Variants in DMD observed in about 807,000 individuals in gnomAD.
DMD encodes the protein dystrophin, also known as mutant dystrophin.
DMD carries 63 observed loss-of-function variants against 330.1 expected under a neutral mutation model. The observed-to-expected ratio is 0.19, with a 90% CI of 0.16 to 0.24. DMD has a LOEUF of 0.24. Among genes scored for constraint, DMD ranks in the 10% least tolerant of loss-of-function variants. The pLI, the probability that DMD is intolerant of heterozygous loss-of-function variation, is 1.00. For synonymous variants in DMD, 1,223 were observed against 959.8 expected, an observed-to-expected ratio of 1.27 and a Z score of -5.07; for missense variants, 3,344 against 2,684.1, an observed-to-expected ratio of 1.25 and a Z score of -5.43.
At chrX:31,370,201 C>T (rs758824399) in intron 60 of DMD, among the ~76,000 whole-genome samples, 30 of 110,218 alleles carry the variant, frequency 2.7e-4, no homozygotes, top group Non-Finnish European at 4.2e-4. Context: ...AAGGAAAAAG[C>T]GATAAATTCA....
At position 32,916,964 on chromosome X, in the gene DMD, C is replaced by T. The variant is rs1256413046; in HGVS notation, c.94-67144G>A. Among the ~76,000 whole-genome samples the T allele has an allele frequency of 6.3e-5, 7 of 111,717 alleles. No homozygotes were observed. The South Asian group carries it at 1.1e-3, about 18-fold the overall frequency. On this transcript the variant is annotated intron_variant, in intron 2 of 78. Coordinates refer to ENST00000357033, the MANE Select transcript of DMD (RefSeq NM_004006.3). ...GATTTGATCATTTATACAGTATATA[C>T]ATGATTAAAATATTACATGTGATAT... is the stretch of plus-strand genomic sequence containing the variant.
chrX:32,736,359 C>G (rs759326578), intron 7 of DMD, among the ~76,000 whole-genome samples: 33 of 111,414 alleles, frequency 3.0e-4, no homozygotes, highest in African/African-American at 7.9e-4. Flanking sequence ...TCAGTGTGGC[C>G]ATTCCTCAGG....
chrX:31,689,425 C>A (rs2082948517), intron 52 of DMD, among the ~76,000 whole-genome samples: 1 of 111,429 alleles, frequency 9.0e-6, no homozygotes, highest in South Asian at 3.8e-4. Context: ...ATGTGAAGGA[C>A]CTCTTCAAGG....
intron 63 of DMD, among the ~76,000 whole-genome samples, chrX:31,233,718 T>C (rs2147211950): frequency 8.9e-6 from 1 of 112,114 alleles, no homozygotes; most frequent in Non-Finnish European, 1.9e-5. Flanking sequence ...TCCTAAAGGC[T>C]ACCTTTTCTA....
chrX:32,533,844 G>C (rs2047700936), intron 17 of DMD, among the ~76,000 whole-genome samples: 1 of 111,781 alleles, frequency 8.9e-6, no homozygotes, highest in Non-Finnish European at 1.9e-5. Context: ...AACTCTCTCA[G>C]TGTGAAAGGT....
chrX:32,525,474 G>C (rs1293301881), intron 17 of DMD, among the ~76,000 whole-genome samples: 1 of 111,577 alleles, frequency 9.0e-6, no homozygotes, highest in Non-Finnish European at 1.9e-5. Context: ...CCAACGCTTA[G>C]TTTTAGGTTC....
rs2098253363 is a variant in DMD, at chrX:32,434,894, A to G, written c.4071+3347T>C. On this transcript the variant is annotated intron_variant, in intron 29 of 78. Transcript: ENST00000357033. ...TTATGTTTAACATGATGTGGTTTTC[A>G]TGAAAGCCGTAAAAACTAAATATGC... Among the ~76,000 whole-genome samples, 3 of 111,585 alleles carry G rather than the reference A, an allele frequency of 2.7e-5. 1 individual carries two copies. In the Admixed American group the frequency reaches 2.9e-4, roughly 11 times the overall value.
At chrX:32,208,918 A>G (rs1478752322) in intron 44 of DMD, among the ~76,000 whole-genome samples, 2 of 111,868 alleles carry the variant, frequency 1.8e-5, no homozygotes, top group African/African-American at 3.2e-5. Context: ...AGGAAGCTCA[A>G]TGTAAGAGAG....
At chrX:32,796,597 G>T (rs1461401198) in intron 7 of DMD, among the ~76,000 whole-genome samples, 2 of 111,390 alleles carry the variant, frequency 1.8e-5, no homozygotes, top group African/African-American at 6.5e-5. Flanking sequence ...GTAGATGAGA[G>T]AACTCAAAAT....
In DMD at chrX:31,235,280, A is replaced by G. The variant is rs759784531; in HGVS notation, c.9287-12159T>C. 5.3e-5 allele frequency among the ~76,000 whole-genome samples: 6 copies of G among 112,180 alleles called. No individual in the cohort carries two copies. In the South Asian group the frequency reaches 2.3e-3, roughly 42 times the overall value. On this transcript the variant is annotated intron_variant, in intron 63 of 78. Transcript: ENST00000357033. ...TAGTTTCCAAGATGACATAAGCAGT[A>G]TTCCAATGAACATTTTTAAGGTTAA... is the stretch of plus-strand genomic sequence containing the variant.
At chrX:31,333,891 C>T (rs2057277135) in intron 61 of DMD, among the ~76,000 whole-genome samples, 1 of 111,090 alleles carries the variant, frequency 9.0e-6, no homozygotes, top group Admixed American at 9.6e-5. Flanking sequence ...AACAGAAGGG[C>T]GGTAAGGAGA....
chrX:32,127,884 C>A, intron 44 of DMD, among the ~76,000 whole-genome samples: 1 of 111,987 alleles, frequency 8.9e-6, no homozygotes, highest in East Asian at 2.8e-4. Context: ...CAATTATATG[C>A]TATCATAGTA....
rs765884156 is a variant in DMD at position 32,985,310 on chromosome X, TC to T, written c.93+34828del. 2.9e-3 allele frequency among the ~76,000 whole-genome samples: 325 copies of T among 112,159 alleles called. 1 individual carries two copies. The highest frequency in any genetic ancestry group is 9.7e-3 in the African/African-American group (300 of 30,952). On this transcript the variant is annotated intron_variant, in intron 2 of 78. Transcript: ENST00000357033. ...TCACATATGCACTATTATGATGTTTTCCCCAATGCAAGATAATATTTTCTAA... is the reference window on the plus strand; with the variant it reads ...TCACATATGCACTATTATGATGTTTTCCCAATGCAAGATAATATTTTCTAA...
intron 12 of DMD, among the ~76,000 whole-genome samples, chrX:32,611,135 T>C (rs1442481697): frequency 9.0e-6 from 1 of 110,646 alleles, no homozygotes; most frequent in East Asian, 2.8e-4. Flanking sequence ...TCGCCAAAAT[T>C]GTTGCCAAGA....
intron 12 of DMD, among the ~76,000 whole-genome samples, chrX:32,608,292 TCTTCTC>T (rs2056895861): frequency 9.0e-6 from 1 of 110,548 alleles, no homozygotes. Context: ...ATATTAGATG[TCTTCTC>T]AATTCGATTT....
chrX:32,219,385 G>C (rs1841769983), intron 43 of DMD, among the ~76,000 whole-genome samples: 1 of 111,857 alleles, frequency 8.9e-6, no homozygotes, highest in Non-Finnish European at 1.9e-5. Flanking sequence ...TTTTGAATGA[G>C]AATCTAAAAA....
chrX:31,990,194 T>C (rs1414520086), intron 44 of DMD, among the ~76,000 whole-genome samples: 2 of 112,473 alleles, frequency 1.8e-5, no homozygotes, highest in Non-Finnish European at 3.8e-5. Context: ...AAGAAACTAT[T>C]TTTCAAAGTC....
intron 55 of DMD, 137 bp downstream of exon 55, chrX:31,627,536 G>A: frequency 1.6e-6 from 1 of 623,600 alleles, no homozygotes; most frequent in Non-Finnish European, 2.6e-6. Flanking sequence ...TCTCCTCCTT[G>A]TCCAAATACC....
chrX:33,189,047 A>G (rs977476969), intron 1 of DMD, among the ~76,000 whole-genome samples: 1 of 111,837 alleles, frequency 8.9e-6, no homozygotes, highest in African/African-American at 3.2e-5. Flanking sequence ...CAATGCTAGC[A>G]AAATAATACA....
Sources: gnomAD v4.1 joint callset for allele counts (sites outside exome capture counted in the v4.1 genomes callset) on GRCh38, gnomAD v4.1.1 for gene constraint, MANE v1.5 for transcripts, NCBI Gene and HGNC (gene_info 2026-07-23, HGNC 2026-07-21) for gene names.